The following NTN1 variants were observed in gnomAD, a reference collection of about 807,000 sequenced individuals.
The protein encoded by NTN1 is netrin-1.
A neutral mutation model predicts 54.2 loss-of-function variants in NTN1; 11 were observed. The observed-to-expected ratio is 0.20, with a 90% CI of 0.13 to 0.34. The LOEUF (loss-of-function observed/expected upper bound fraction) is 0.34. Ranked by LOEUF, NTN1 falls within the 10% of genes least tolerant of loss-of-function variation. The probability of loss-of-function intolerance (pLI) is 1.00; values close to 1 mark genes in which losing one functional copy is unlikely to be tolerated. For synonymous variants in NTN1, 371 were observed against 382.0 expected, an observed-to-expected ratio of 0.97 and a Z score of 0.33; for missense variants, 740 against 893.1, an observed-to-expected ratio of 0.83 and a Z score of 2.18.
chr17:9,081,979 T>C (rs2142224948), intron 2 of NTN1, among the ~76,000 whole-genome samples: 1 of 152,354 alleles, frequency 6.6e-6, no homozygotes, highest in African/African-American at 2.4e-5. Context: ...ACAAACCTTG[T>C]CTCCAGTCTG....
At chr17:9,056,660 G>A (rs1597472111) in intron 2 of NTN1, among the ~76,000 whole-genome samples, 1 of 152,180 alleles carries the variant, frequency 6.6e-6, no homozygotes. Context: ...GGGTAGTTTG[G>A]GGCCGAGGAA....
intron 2 of NTN1, among the ~76,000 whole-genome samples, chr17:9,082,476 A>G (rs574140841): frequency 3.3e-4 from 51 of 152,352 alleles, no homozygotes; most frequent in Admixed American, 9.8e-4. Flanking sequence ...GAGTCTTTGC[A>G]GTTGAGTTTT....
At chr17:9,032,865 C>T (rs2091892088) in intron 2 of NTN1, among the ~76,000 whole-genome samples, 1 of 152,038 alleles carries the variant, frequency 6.6e-6, no homozygotes, top group Non-Finnish European at 1.5e-5. Flanking sequence ...TGGCTCAGAA[C>T]CGGGAGAGAA....
intron 5 of NTN1, 169 bp downstream of exon 5, chr17:9,183,138 G>C (rs1047843665): frequency 5.5e-6 from 4 of 721,868 alleles, no homozygotes; most frequent in Non-Finnish European, 1.0e-5. Flanking sequence ...GGAGCTATAG[G>C]ACACTATTTT....
At chr17:9,146,770 G>A (rs1192693080) in intron 2 of NTN1, among the ~76,000 whole-genome samples, 2 of 152,140 alleles carry the variant, frequency 1.3e-5, no homozygotes, top group African/African-American at 2.4e-5. Context: ...GGGCTAACTC[G>A]CCGCAGGACT....
At chr17:9,082,205 AC>A (rs1354876370) in intron 2 of NTN1, among the ~76,000 whole-genome samples, 8 of 152,082 alleles carry the variant, frequency 5.3e-5, no homozygotes, top group Non-Finnish European at 4.4e-5. Flanking sequence ...GATTAGAGGC[AC>A]CCACCACCAC....
At chr17:9,189,699 T>C (rs1473159097) in intron 5 of NTN1, among the ~76,000 whole-genome samples, 3 of 152,036 alleles carry the variant, frequency 2.0e-5, no homozygotes, top group African/African-American at 7.2e-5. Context: ...AAAAATCCTA[T>C]GTAGTAACAT....
At chr17:9,131,140 A>AT (rs2092263773) in intron 2 of NTN1, among the ~76,000 whole-genome samples, 1 of 152,120 alleles carries the variant, frequency 6.6e-6, no homozygotes, top group South Asian at 2.1e-4. Flanking sequence ...CTGTGTCTAC[A>AT]TGGCTCACAT....
chr17:9,094,599 T>G (rs2092123915), intron 2 of NTN1, among the ~76,000 whole-genome samples: 2 of 152,186 alleles, frequency 1.3e-5, no homozygotes, highest in African/African-American at 4.8e-5. Flanking sequence ...CTTATTTGTG[T>G]TTCCATCAGC....
chr17:9,146,814 G>T (rs897871840), intron 2 of NTN1, among the ~76,000 whole-genome samples: 2 of 152,210 alleles, frequency 1.3e-5, no homozygotes, highest in African/African-American at 2.4e-5. Flanking sequence ...TTGGATTCTT[G>T]CCTGGGAGTT....
At chr17:9,204,469 T>C (rs879584734) in intron 5 of NTN1, among the ~76,000 whole-genome samples, 1 of 151,180 alleles carries the variant, frequency 6.6e-6, no homozygotes, top group Non-Finnish European at 1.5e-5. Context: ...AAGTTTTGTA[T>C]TTTTTAGTAG....
At chr17:9,024,253 T>G (rs900334907) in intron 2 of NTN1, among the ~76,000 whole-genome samples, 3 of 152,216 alleles carry the variant, frequency 2.0e-5, no homozygotes, top group Admixed American at 6.5e-5. Flanking sequence ...GCTTCTGAAT[T>G]GGACGACTTT....
At chr17:9,058,932 C>G (rs2091987823) in intron 2 of NTN1, among the ~76,000 whole-genome samples, 1 of 152,152 alleles carries the variant, frequency 6.6e-6, no homozygotes, top group Admixed American at 6.5e-5. Context: ...GACTCGGCCA[C>G]TTCCTGGCTG....
At chr17:9,100,063 C>T (rs2092144612) in intron 2 of NTN1, among the ~76,000 whole-genome samples, 1 of 150,130 alleles carries the variant, frequency 6.7e-6, no homozygotes, top group Admixed American at 6.6e-5. Flanking sequence ...ATCCTCCCAC[C>T]TTGGCCTCCC....
At chr17:9,149,223 C>G (rs948582831) in intron 2 of NTN1, among the ~76,000 whole-genome samples, 1 of 151,188 alleles carries the variant, frequency 6.6e-6, no homozygotes, top group African/African-American at 2.4e-5. Flanking sequence ...AGTGTATGCA[C>G]CACCTCTAGG....
intron 6 of NTN1, among the ~76,000 whole-genome samples, chr17:9,224,811 G>GGGGGGGGGGGGGGC (rs71361878): frequency 1.3e-5 from 2 of 151,368 alleles, no homozygotes; most frequent in African/African-American, 2.4e-5. Flanking sequence ...GGGTGGGGGG[G>GGGGGGGGGGGGGGC]CACAGTGGGA....
intron 6 of NTN1, among the ~76,000 whole-genome samples, chr17:9,227,868 ACACC>A (rs1186517571): frequency 1.3e-5 from 2 of 151,662 alleles, no homozygotes; most frequent in Non-Finnish European, 2.9e-5. Flanking sequence ...ACCCCATCAC[ACACC>A]CCATCACACA....
intron 6 of NTN1, among the ~76,000 whole-genome samples, chr17:9,227,679 C>T (rs918254235): frequency 1.4e-5 from 2 of 145,634 alleles, no homozygotes; most frequent in African/African-American, 5.2e-5. Context: ...CAGATATACA[C>T]ACCACACTTA....
intron 3 of NTN1, chr17:9,171,544 G>C (rs146394697): frequency 1.3e-5 from 2 of 152,438 alleles, no homozygotes; most frequent in Non-Finnish European, 2.9e-5. Flanking sequence ...GGATTGTGGT[G>C]AGTTACATGG....
Sources: gnomAD v4.1 joint callset for allele counts (sites outside exome capture counted in the v4.1 genomes callset) on GRCh38, gnomAD v4.1.1 for gene constraint, MANE v1.5 for transcripts, NCBI Gene and HGNC (gene_info 2026-07-23, HGNC 2026-07-21) for gene names.